The following ZBTB7C variants were observed in gnomAD, a reference collection of about 807,000 sequenced individuals.
ZBTB7C encodes zinc finger and BTB domain-containing protein 7C.
A neutral mutation model predicts 25.7 loss-of-function variants in ZBTB7C; 8 were observed. The ratio of observed to expected loss-of-function variants is 0.31; its 90% CI spans 0.18 to 0.56. The LOEUF is 0.56. ZBTB7C is among the 20% of genes least tolerant of loss of function. The pLI is 0.91. For synonymous variants in ZBTB7C, 394 were observed against 369.0 expected (o/e 1.07, Z -0.78); for missense variants, 824 against 855.2 (o/e 0.96, Z 0.46).
intron 2 of ZBTB7C, among the ~76,000 whole-genome samples, chr18:48,229,255 A>C (rs1424966059): frequency 1.3e-5 from 2 of 152,114 alleles, no homozygotes; most frequent in Non-Finnish European, 2.9e-5. Flanking sequence ...AAAAACAGCC[A>C]CACAGTCTAA....
chr18:48,234,421 G>A (rs2043327628), intron 2 of ZBTB7C, among the ~76,000 whole-genome samples: 2 of 152,024 alleles, frequency 1.3e-5, no homozygotes, highest in East Asian at 1.9e-4. Context: ...CCCCAACCCC[G>A]GTCTTTTCCC....
chr18:48,321,237 T>G (rs1243034856), intron 2 of ZBTB7C, among the ~76,000 whole-genome samples: 2 of 152,136 alleles, frequency 1.3e-5, no homozygotes, highest in Non-Finnish European at 2.9e-5. Context: ...CCCTTGTGGG[T>G]GTGTCATGCC....
intron 1 of ZBTB7C, among the ~76,000 whole-genome samples, chr18:48,351,737 G>C (rs1210372379): frequency 6.6e-6 from 1 of 152,206 alleles, no homozygotes; most frequent in Non-Finnish European, 1.5e-5. Flanking sequence ...TTTGACAGCA[G>C]TGACTGATTA....
intron 2 of ZBTB7C, among the ~76,000 whole-genome samples, chr18:48,216,381 G>A (rs921210177): frequency 5.9e-5 from 9 of 152,178 alleles, no homozygotes; most frequent in African/African-American, 2.2e-4. Context: ...CTCACAGTCT[G>A]GTGGAGAGAG....
chr18:48,347,458 G>A lies in ZBTB7C; in HGVS notation c.-303-9060C>T, dbSNP rs942939166. 2.0e-5 allele frequency among the ~76,000 whole-genome samples: 3 copies of A among 152,092 alleles called. No homozygotes were observed. The East Asian group carries it at 5.8e-4, about 29-fold the overall frequency. On this transcript the variant is annotated intron_variant, in intron 1 of 4. Transcript: ENST00000590800. ...CTAGGAAGCCCTCCAGAGGCAGGAG[G>A]TTAGAGGCAGGCTTCCTCAGACGCA... is the stretch of plus-strand genomic sequence containing the variant.
intron 1 of ZBTB7C, among the ~76,000 whole-genome samples, chr18:48,405,286 G>T (rs1330770990): frequency 6.6e-6 from 1 of 152,002 alleles, no homozygotes; most frequent in Non-Finnish European, 1.5e-5. Flanking sequence ...GGCAGAGTCA[G>T]GGGAGGAGGC....
At chr18:48,109,172 C>T (rs938900670) in intron 3 of ZBTB7C, among the ~76,000 whole-genome samples, 3 of 152,070 alleles carry the variant, frequency 2.0e-5, no homozygotes, top group Admixed American at 1.3e-4. Flanking sequence ...AGGCTGGTGG[C>T]GGCTGTCACA....
chr18:48,063,919 T>C (rs1365872254), intron 3 of ZBTB7C, among the ~76,000 whole-genome samples: 1 of 151,774 alleles, frequency 6.6e-6, no homozygotes, highest in Non-Finnish European at 1.5e-5. Context: ...AATTGATAAT[T>C]AAATACTTAT....
At chr18:48,218,285 C>A (rs1029032468) in intron 2 of ZBTB7C, among the ~76,000 whole-genome samples, 1 of 152,202 alleles carries the variant, frequency 6.6e-6, no homozygotes, top group Non-Finnish European at 1.5e-5. Flanking sequence ...CTGCAAAGGG[C>A]CGCTGAATCA....
intron 3 of ZBTB7C, among the ~76,000 whole-genome samples, chr18:48,065,083 C>T (rs574280804): frequency 6.6e-6 from 1 of 152,332 alleles, no homozygotes; most frequent in South Asian, 2.1e-4. Flanking sequence ...CTGCCTCCCA[C>T]TGAGGAAGAG....
chr18:48,325,833 C>T (rs2046205285), intron 2 of ZBTB7C, among the ~76,000 whole-genome samples: 1 of 152,146 alleles, frequency 6.6e-6, no homozygotes, highest in Admixed American at 6.5e-5. Context: ...TCACCAGCAA[C>T]AGATCAGGGA....
intron 3 of ZBTB7C, among the ~76,000 whole-genome samples, chr18:48,075,928 T>C (rs1360341428): frequency 6.6e-6 from 1 of 152,208 alleles, no homozygotes; most frequent in East Asian, 1.9e-4. Context: ...ATATAATCCA[T>C]CTTTGTGCAC....
intron 2 of ZBTB7C, among the ~76,000 whole-genome samples, chr18:48,281,014 C>A (rs567675802): frequency 2.2e-4 from 33 of 152,096 alleles, no homozygotes; most frequent in African/African-American, 7.5e-4. Flanking sequence ...CCACCATGCC[C>A]AGCTAATTTT....
intron 2 of ZBTB7C, among the ~76,000 whole-genome samples, chr18:48,316,464 C>G (rs2045949830): frequency 6.6e-6 from 1 of 152,208 alleles, no homozygotes; most frequent in African/African-American, 2.4e-5. Flanking sequence ...CCCTTCAAAC[C>G]TTACGTTGAA....
intron 1 of ZBTB7C, among the ~76,000 whole-genome samples, chr18:48,368,713 C>A (rs1378252415): frequency 6.6e-6 from 1 of 152,030 alleles, no homozygotes; most frequent in Non-Finnish European, 1.5e-5. Context: ...AAAATCTTAC[C>A]TATTAGGGGA....
At chr18:48,060,998 G>T (rs962229459) in intron 3 of ZBTB7C, among the ~76,000 whole-genome samples, 2 of 152,166 alleles carry the variant, frequency 1.3e-5, no homozygotes, top group African/African-American at 2.4e-5. Context: ...CCGCCATGGA[G>T]TGCTGGGGCT....
intron 2 of ZBTB7C, among the ~76,000 whole-genome samples, chr18:48,220,385 AAC>A (rs2042920975): frequency 6.6e-6 from 1 of 152,196 alleles, no homozygotes; most frequent in Admixed American, 6.5e-5. Flanking sequence ...CTAAGGCTCA[AAC>A]AGCAAGCAGG....
intron 2 of ZBTB7C, among the ~76,000 whole-genome samples, chr18:48,186,915 A>C (rs1159255898): frequency 1.3e-5 from 2 of 152,216 alleles, no homozygotes; most frequent in Non-Finnish European, 2.9e-5. Context: ...TACCTCAGCG[A>C]GGGACAAATT....
chr18:48,389,465 T>TC (rs1180233261), intron 1 of ZBTB7C, among the ~76,000 whole-genome samples: 9 of 96,584 alleles, frequency 9.3e-5, no homozygotes, highest in African/African-American at 4.4e-4. Context: ...TCTTGGATTT[T>TC]TTTTTTTTTT....
Sources: allele counts gnomAD v4.1 joint callset (sites outside exome capture counted in the v4.1 genomes callset), GRCh38; gene constraint gnomAD v4.1.1; transcripts MANE v1.5; gene names NCBI Gene and HGNC (gene_info 2026-07-23, HGNC 2026-07-21).